Variants in GHR observed in about 807,000 individuals in gnomAD.
GHR encodes growth hormone receptor.
A neutral mutation model predicts 67.1 loss-of-function variants in GHR; 35 were observed. The observed-to-expected ratio is 0.52, with a 90% confidence interval of 0.40 to 0.69. GHR has a LOEUF of 0.69. Among genes scored for constraint, GHR ranks in the 30% least tolerant of loss-of-function variants. GHR has a pLI of 0.00. For missense variants in GHR, 792 were observed against 764.6 expected, an observed-to-expected ratio of 1.04 and a Z score of -0.42; for synonymous variants, 272 against 269.1, an observed-to-expected ratio of 1.01 and a Z score of -0.10.
chr5:42,480,780 T>A (rs968210569), intron 1 of GHR, among the ~76,000 whole-genome samples: 4 of 152,226 alleles, frequency 2.6e-5, no homozygotes, highest in Admixed American at 1.3e-4. Flanking sequence ...CCTATGTGTG[T>A]CTCTGCATGT....
In GHR at chr5:42,605,349, G is replaced by A. The variant is rs577977957; in HGVS notation, c.71-23689G>A. ...TCGAGCTCCCGACCTCAGGTGATCC[G>A]TCTGCCTCGACCTCCCAAAGTGCTG... is the stretch of plus-strand genomic sequence containing the variant. On this transcript the variant is annotated intron_variant, in intron 2 of 9. Coordinates refer to ENST00000230882, the MANE Select transcript of GHR (RefSeq NM_000163.5). Among the ~76,000 whole-genome samples the A allele has an allele frequency of 1.2e-4, 18 of 151,976 alleles. No homozygotes were observed. In the South Asian group the frequency reaches 2.7e-3, roughly 23 times the overall value.
chr5:42,530,517 T>A (rs1747918031), intron 1 of GHR, among the ~76,000 whole-genome samples: 1 of 152,232 alleles, frequency 6.6e-6, no homozygotes, highest in Non-Finnish European at 1.5e-5. Context: ...TTATCTAATC[T>A]GCTACCTAGT....
chr5:42,644,540 A>G (rs1754634429), intron 3 of GHR, among the ~76,000 whole-genome samples: 1 of 152,146 alleles, frequency 6.6e-6, no homozygotes. Context: ...AAACAAATTA[A>G]CTGTCAAAAG....
chr5:42,583,655 G>A (rs1490359554), intron 2 of GHR, among the ~76,000 whole-genome samples: 2 of 152,076 alleles, frequency 1.3e-5, no homozygotes, highest in African/African-American at 4.8e-5. Context: ...GCAGAACTTT[G>A]TAAAGACCCT....
chr5:42,583,239 C>G (rs951596731), intron 2 of GHR, among the ~76,000 whole-genome samples: 1 of 152,174 alleles, frequency 6.6e-6, no homozygotes, highest in Non-Finnish European at 1.5e-5. Flanking sequence ...GTTTGGGAAG[C>G]CTTGCTTCAG....
intron 1 of GHR, among the ~76,000 whole-genome samples, chr5:42,472,189 A>G (rs1297157502): frequency 2.0e-5 from 3 of 152,152 alleles, no homozygotes. Flanking sequence ...TTAAACATCT[A>G]CAGGAAGATG....
intron 1 of GHR, among the ~76,000 whole-genome samples, chr5:42,520,219 G>A (rs910084707): frequency 6.6e-6 from 1 of 152,154 alleles, no homozygotes; most frequent in Non-Finnish European, 1.5e-5. Context: ...TCTGCAGGAA[G>A]TCACACATAG....
intron 1 of GHR, among the ~76,000 whole-genome samples, chr5:42,530,036 T>C (rs1270026679): frequency 7.7e-6 from 1 of 129,700 alleles, no homozygotes; most frequent in African/African-American, 2.9e-5. Context: ...TTTGCAAATC[T>C]ATATTTTTTT....
intron 1 of GHR, among the ~76,000 whole-genome samples, chr5:42,490,533 A>G (rs1378236083): frequency 1.3e-5 from 2 of 152,254 alleles, no homozygotes; most frequent in Non-Finnish European, 2.9e-5. Context: ...ATGGAGCTTC[A>G]CAAGTGAACA....
chr5:42,643,263 G>T (rs887213511), intron 3 of GHR, among the ~76,000 whole-genome samples: 2 of 152,172 alleles, frequency 1.3e-5, no homozygotes, highest in Admixed American at 1.3e-4. Context: ...AAGCTAAATA[G>T]GCTTCTTTAT....
chr5:42,610,050 G>A (rs1580051076), intron 2 of GHR, among the ~76,000 whole-genome samples: 1 of 152,278 alleles, frequency 6.6e-6, no homozygotes, highest in African/African-American at 2.4e-5. Flanking sequence ...TTATAAGTGT[G>A]ATATAGGAGT....
chr5:42,424,565 G>A lies in GHR; in HGVS notation c.-12+610G>A, dbSNP rs1242002029. Reference sequence around the variant, plus strand: ...GTTGGCACCGATGGAACTGGGGTCAGTAGAGTGACAGCCACCAGTCCGCAT... The same window carrying A: ...GTTGGCACCGATGGAACTGGGGTCAATAGAGTGACAGCCACCAGTCCGCAT... On this transcript the variant is annotated intron_variant, in intron 1 of 9. Coordinates refer to ENST00000230882, the MANE Select transcript of GHR (RefSeq NM_000163.5). The surrounding 1 kb of genome is among the most constrained non-coding windows in gnomAD (Gnocchi z 4.1). 2.6e-6 allele frequency: 4 copies of A among 1,533,958 alleles called. No homozygotes were observed. In the African/African-American group the frequency reaches 5.5e-5, roughly 21 times the overall value.
intron 3 of GHR, among the ~76,000 whole-genome samples, chr5:42,679,564 G>A (rs1047391813): frequency 2.0e-5 from 3 of 151,938 alleles, no homozygotes; most frequent in Non-Finnish European, 4.4e-5. Flanking sequence ...GGTGGAGGTT[G>A]CAGTGAGCCG....
intron 2 of GHR, among the ~76,000 whole-genome samples, chr5:42,604,099 AG>A (rs1361528885): frequency 6.6e-6 from 1 of 152,232 alleles, no homozygotes; most frequent in Non-Finnish European, 1.5e-5. Context: ...GGGTAAGGTC[AG>A]GAAGGGTCAT....
intron 3 of GHR, among the ~76,000 whole-genome samples, chr5:42,684,313 G>A (rs1455254231): frequency 1.3e-5 from 2 of 152,326 alleles, no homozygotes; most frequent in Non-Finnish European, 2.9e-5. Flanking sequence ...GCCAGAACTA[G>A]AGTACACATC....
intron 1 of GHR, among the ~76,000 whole-genome samples, chr5:42,433,402 TG>T (rs902631614): frequency 6.6e-6 from 1 of 152,106 alleles, no homozygotes; most frequent in African/African-American, 2.4e-5. Context: ...GCCAGGCTAG[TG>T]GTATTTTTGG....
intron 3 of GHR, among the ~76,000 whole-genome samples, chr5:42,683,884 G>A (rs557416550): frequency 5.9e-5 from 9 of 152,040 alleles, no homozygotes; most frequent in Non-Finnish European, 8.8e-5. Context: ...TGCATCTGGA[G>A]TTAAAAGGAA....
At chr5:42,560,081 A>G (rs1317601722) in intron 1 of GHR, among the ~76,000 whole-genome samples, 2 of 152,134 alleles carry the variant, frequency 1.3e-5, no homozygotes, top group Non-Finnish European at 2.9e-5. Flanking sequence ...CACTTTTTTA[A>G]AAAAAATACT....
Position 42,424,562 on chromosome 5 carries a change from T to G in GHR, c.-12+607T>G. 1 of 1,532,832 alleles carries G rather than the reference T, an allele frequency of 6.5e-7. No individual in the cohort carries two copies. The highest frequency in any genetic ancestry group is 8.7e-7 in the Non-Finnish European group (1 of 1,144,632). 95.0% of individuals were successfully genotyped at this position (1,532,832 alleles called of 1,614,324 possible). A position where few individuals can be genotyped will look rare whatever the true frequency, so the allele number is the denominator to read the frequency against. On this transcript the variant is annotated intron_variant, in intron 1 of 9. Transcript: ENST00000230882. This position sits in a 1 kb window ranked among gnomAD's most constrained non-coding sequence, Gnocchi z 4.1. ...CACGTTGGCACCGATGGAACTGGGG[T>G]CAGTAGAGTGACAGCCACCAGTCCG...
Sources: gnomAD v4.1 joint callset for allele counts (sites outside exome capture counted in the v4.1 genomes callset) on GRCh38, gnomAD v4.1.1 for gene constraint, Gnocchi (gnomAD v3.1) non-coding constraint, MANE v1.5 for transcripts, NCBI Gene and HGNC (gene_info 2026-07-23, HGNC 2026-07-21) for gene names.